RNF213: variants seen among roughly 807,000 people sequenced by gnomAD.
RNF213 encodes E3 ubiquitin-protein ligase RNF213.
A neutral mutation model predicts 514.4 loss-of-function variants in RNF213; 341 were observed. That is an observed-to-expected ratio of 0.66 (90% CI 0.61 to 0.73). The LOEUF (loss-of-function observed/expected upper bound fraction) is 0.73. Among genes scored for constraint, RNF213 ranks in the 30% least tolerant of loss-of-function variants. The pLI, the probability that RNF213 is intolerant of heterozygous loss-of-function variation, is 0.00. For synonymous variants in RNF213, 2,655 were observed against 2,658.2 expected (o/e 1.00, Z 0.04); for missense variants, 5,767 against 6,615.6 (o/e 0.87, Z 4.45).
chr17:80,283,506 A>G (rs1261039557), intron 3 of RNF213, among the ~76,000 whole-genome samples: 2 of 152,174 alleles, frequency 1.3e-5, no homozygotes, highest in Admixed American at 1.3e-4. Context: ...TTGTGGGCAG[A>G]GGGAGTGAGG....
intron 63 of RNF213, 42 bp from the exon 64 acceptor site, chr17:80,388,570 G>T: frequency 7.7e-7 from 1 of 1,300,436 alleles, no homozygotes. Context: ...AAATGTCCAC[G>T]ATGGATTTAA....
chr17:80,321,910 G>A (rs1203927441), intron 17 of RNF213, among the ~76,000 whole-genome samples: 1 of 151,960 alleles, frequency 6.6e-6, no homozygotes, highest in Non-Finnish European at 1.5e-5. Flanking sequence ...ATTTTTGGTA[G>A]AGACGGGGTT....
intron 6 of RNF213, 83 bp downstream of exon 6, chr17:80,289,920 A>G: frequency 7.1e-7 from 1 of 1,413,816 alleles, no homozygotes; most frequent in Non-Finnish European, 9.8e-7. Flanking sequence ...CTCAGGGGAT[A>G]TCCAGGCTGC....
At chr17:80,277,042 C>T (rs955467858) in intron 3 of RNF213, among the ~76,000 whole-genome samples, 3 of 150,174 alleles carry the variant, frequency 2.0e-5, no homozygotes, top group Non-Finnish European at 3.0e-5. Context: ...GGCAACAGAG[C>T]GAGACTCACT....
chr17:80,307,854 GTT>G (rs59352873), intron 13 of RNF213, among the ~76,000 whole-genome samples: 59,973 of 130,752 alleles, frequency 0.46, 13,464 homozygotes, highest in African/African-American at 0.63. Flanking sequence ...CTGGCCGTCT[GTT>G]TTTTTTTTTT....
chr17:80,332,459 TGTGCACCGTGGACCACCAGGACCAAA>T lies in RNF213; in HGVS notation c.3973_3998del (p.Cys1325ArgfsTer38). The T allele has an allele frequency of 6.5e-7, 1 of 1,537,110 alleles. No homozygotes were observed. Among genetic ancestry groups the T allele is most frequent in the Non-Finnish European group, 8.7e-7 (1 of 1,146,854 alleles). On this transcript the variant is annotated frameshift_variant, in exon 21 of 68. Transcript: ENST00000582970. LOFTEE classifies it high-confidence loss of function. ...GACCTGGATTCAGAACTTAAGATCA[TGTGCACCGTGGACCACCAGGACCAAA>T]GAGATTGGATCAAGGACCGAGTCGA...
intron 67 of RNF213, among the ~76,000 whole-genome samples, chr17:80,391,713 C>G (rs1397956510): frequency 7.0e-6 from 1 of 142,418 alleles, no homozygotes; most frequent in African/African-American, 2.6e-5. Context: ...GGTCTCTATA[C>G]AAAAACACTT....
intron 17 of RNF213, among the ~76,000 whole-genome samples, chr17:80,324,468 T>A (rs114101754): frequency 6.6e-6 from 1 of 152,214 alleles, no homozygotes; most frequent in Non-Finnish European, 1.5e-5. Flanking sequence ...TGGGGCTGGA[T>A]AAGGTTTTCT....
Position 80,353,634 on chromosome 17 carries a change from G to C in RNF213, c.10546G>C (p.Gly3516Arg), listed in dbSNP as rs1461455801. ...GGAAACAGAAAGTTCTGAGAAGGTG[G>C]GAAAGGAAACCTCTGAACTCGGAGG... ...AMETESSEKV[G>R]KETSELGGSD... Residue 3516 changes from glycine (G) to arginine (R), a missense_variant, in exon 34 of 68, where the codon GGA (glycine) becomes CGA (arginine). By Grantham distance (125) the Gly-to-Arg change is moderately radical. Around this residue, in one of 13 missense-constraint regions of RNF213, gnomAD observed 919 missense variants for 1,121.0 expected, o/e 0.82. Transcript: ENST00000582970. This position sits in a 1 kb window ranked among gnomAD's most constrained non-coding sequence, Gnocchi z 5.0. 1 of 1,614,092 alleles carries C rather than the reference G, an allele frequency of 6.2e-7. No homozygotes were observed. Among genetic ancestry groups the C allele is most frequent in the Non-Finnish European group, 8.5e-7 (1 of 1,180,050 alleles).
chr17:80,262,599 C>G (rs1216727252), intron 1 of RNF213, among the ~76,000 whole-genome samples: 1 of 152,226 alleles, frequency 6.6e-6, no homozygotes, highest in Non-Finnish European at 1.5e-5. Context: ...TCTGCTGTTT[C>G]ATGGTGTGGA....
intron 6 of RNF213, among the ~76,000 whole-genome samples, 198 bp from the exon 7 acceptor site, chr17:80,290,370 TGA>T (rs2044654393): frequency 6.6e-6 from 1 of 150,680 alleles, no homozygotes; most frequent in South Asian, 2.1e-4. Flanking sequence ...TGTGCGTGTG[TGA>T]GTGCGTGCAC....
intron 11 of RNF213, among the ~76,000 whole-genome samples, chr17:80,301,507 A>G (rs1400723241): frequency 1.3e-5 from 2 of 152,220 alleles, no homozygotes; most frequent in Admixed American, 6.5e-5. Flanking sequence ...AGTCATCTAA[A>G]AAGAAGACAC....
In RNF213 at chr17:80,273,231, G is replaced by A; in HGVS notation, c.98-10G>A. The A allele has an allele frequency of 6.2e-7, 1 of 1,613,350 alleles. No individual in the cohort carries two copies. Among genetic ancestry groups the A allele is most frequent in the Non-Finnish European group, 8.5e-7 (1 of 1,179,842 alleles). On this transcript the variant is annotated splice_polypyrimidine_tract_variant and intron_variant, in intron 2 of 67. Transcript: ENST00000582970. ...CTGAGATCTGACCCTTCCTTCATCT[G>A]CCGTTACAGATTCTGAGAACAATAA...
At chr17:80,368,208 A>G in intron 44 of RNF213, 65 bp downstream of exon 44, 1 of 1,541,380 alleles carries the variant, frequency 6.5e-7, no homozygotes, top group Non-Finnish European at 9.0e-7. Context: ...CAAACACAAT[A>G]TTCAGAAATA....
At chr17:80,327,527 G>A (rs990515229) in intron 18 of RNF213, among the ~76,000 whole-genome samples, 5 of 152,086 alleles carry the variant, frequency 3.3e-5, no homozygotes, top group Non-Finnish European at 5.9e-5. Context: ...TGAAGGGGAC[G>A]TGGGTTTTAA....
At chr17:80,274,607 TGTG>T (rs1567997373) in intron 3 of RNF213, among the ~76,000 whole-genome samples, 2 of 7,714 alleles carry the variant, frequency 2.6e-4, no homozygotes, top group Non-Finnish European at 5.9e-4. Context: ...GTGGGGTGAG[TGTG>T]GGGGGTGAGT....
At chr17:80,308,728 A>G (rs1408066275) in intron 13 of RNF213, among the ~76,000 whole-genome samples, 1 of 152,160 alleles carries the variant, frequency 6.6e-6, no homozygotes, top group Non-Finnish European at 1.5e-5. Flanking sequence ...ATGTCTAGTA[A>G]TAAACATCCC....
At chr17:80,273,015 C>T (rs1019498164) in intron 2 of RNF213, among the ~76,000 whole-genome samples, 1 of 152,120 alleles carries the variant, frequency 6.6e-6, no homozygotes, top group African/African-American at 2.4e-5. Context: ...ACGGCACAGT[C>T]TTTCTGTCTG....
Position 80,299,824 on chromosome 17 carries a change from C to T in RNF213, c.2210+1306C>T, listed in dbSNP as rs558741196. Among the ~76,000 whole-genome samples the T allele has an allele frequency of 5.9e-5, 9 of 152,258 alleles. No individual in the cohort carries two copies. The South Asian group carries it at 1.0e-3, about 18-fold the overall frequency. On this transcript the variant is annotated intron_variant, in intron 11 of 67. Transcript: ENST00000582970. ...GTGAGAACCTGCGGTATTTGGTTCT[C>T]GTTCCTGAGTTAATTTGCTAAGGAT...
Sources: allele counts gnomAD v4.1 joint callset (sites outside exome capture counted in the v4.1 genomes callset), GRCh38; gene constraint gnomAD v4.1.1; regional missense constraint gnomAD v4.1.1; non-coding constraint Gnocchi (gnomAD v3.1); transcripts MANE v1.5; gene names NCBI Gene and HGNC (gene_info 2026-07-23, HGNC 2026-07-21).